Variants in DIO2 observed in about 807,000 individuals in gnomAD.
DIO2 encodes the protein iodothyronine deiodinase 2, also known as type II iodothyronine deiodinase.
Under a neutral mutation model 21.4 loss-of-function variants are expected in DIO2, and 19 were observed. That is an observed-to-expected ratio of 0.89 (90% CI 0.62 to 1.30). The LOEUF (loss-of-function observed/expected upper bound fraction) is 1.30. Ranked by LOEUF, DIO2 falls within the 50% of genes most tolerant of loss-of-function variation. The pLI, the probability that DIO2 is intolerant of heterozygous loss-of-function variation, is 0.00. For missense variants in DIO2, 302 were observed against 338.1 expected, an observed-to-expected ratio of 0.89 and a Z score of 0.84; for synonymous variants, 122 against 132.9, an observed-to-expected ratio of 0.92 and a Z score of 0.57.
At chr14:80,226,713 A>C (rs1888583003) in intron 2 of DIO2, among the ~76,000 whole-genome samples, 1 of 152,188 alleles carries the variant, frequency 6.6e-6, no homozygotes. Context: ...CCCTGCCACC[A>C]TGGCCACTTT....
intron 2 of DIO2, among the ~76,000 whole-genome samples, chr14:80,223,008 C>T (rs1050950887): frequency 6.6e-6 from 1 of 151,922 alleles, no homozygotes; most frequent in African/African-American, 2.4e-5. Flanking sequence ...ATTACTGAAG[C>T]ATACCACCAT....
chr14:80,211,127 C>T, intron 1 of DIO2, 124 bp downstream of exon 1: 1 of 904,830 alleles, frequency 1.1e-6, no homozygotes, highest in Non-Finnish European at 1.6e-6. Context: ...TAGAGGCTCA[C>T]TTGGCAACCC....
At chr14:80,228,259 G>A (rs1457206367) in intron 2 of DIO2, among the ~76,000 whole-genome samples, 2 of 152,214 alleles carry the variant, frequency 1.3e-5, no homozygotes, top group African/African-American at 4.8e-5. Flanking sequence ...AAAGCAAATT[G>A]CTTCTGGTGA....
chr14:80,200,804 G>A lies in DIO2; in HGVS notation c.*1885C>T, dbSNP rs1887683913. Reference sequence around the variant, plus strand: ...TACACAATATACCAGCTGGTGACACGACTGATATGTTGCTCCCATTTAAAA... The same window carrying A: ...TACACAATATACCAGCTGGTGACACAACTGATATGTTGCTCCCATTTAAAA... On this transcript the variant is annotated 3_prime_UTR_variant, in exon 2 of 2. Coordinates refer to ENST00000438257, the MANE Select transcript of DIO2 (RefSeq NM_013989.5). 6.6e-6 allele frequency: 1 copy of A among 152,148 alleles called. No homozygotes were observed. Among genetic ancestry groups the A allele is most frequent in the Non-Finnish European group, 1.5e-5 (1 of 68,012 alleles). 9.4% of individuals were successfully genotyped at this position (152,148 alleles called of 1,614,324 possible).
chr14:80,213,948 C>T (rs1594879362), upstream of DIO2, among the ~76,000 whole-genome samples: 1 of 152,188 alleles, frequency 6.6e-6, no homozygotes, highest in East Asian at 1.9e-4. Context: ...AGAAAAATTA[C>T]ACCTTCCCTA....
chr14:80,228,665 A>G (rs1485655069), intron 2 of DIO2, among the ~76,000 whole-genome samples: 1 of 152,204 alleles, frequency 6.6e-6, no homozygotes, highest in Non-Finnish European at 1.5e-5. Flanking sequence ...CAGGGAGCCA[A>G]TGTGGGGGTT....
rs1267740455 is a variant in DIO2, at chr14:80,202,293, G to A, written c.*396C>T. On this transcript the variant is annotated 3_prime_UTR_variant, in exon 2 of 2. Coordinates refer to ENST00000438257, the MANE Select transcript of DIO2 (RefSeq NM_013989.5). ...TCCATCCATGCCAAATAGAGCCAAG[G>A]CAATACCCTTTATCTTAACGTAGAC... 2 of 523,482 alleles carry A rather than the reference G, an allele frequency of 3.8e-6. No homozygotes were observed. The highest frequency in any genetic ancestry group is 1.1e-4 in the East Asian group (2 of 18,508). 32.4% of individuals were successfully genotyped at this position (523,482 alleles called of 1,614,324 possible). A position where few individuals can be genotyped will look rare whatever the true frequency, so the allele number is the denominator to read the frequency against.
upstream of DIO2, chr14:80,211,544 GGTGATAAA>G: frequency 4.8e-6 from 2 of 418,328 alleles, no homozygotes; most frequent in Non-Finnish European, 7.7e-6. Context: ...AAAGGGGGGT[GGTGATAAA>G]GGGGGTGGGG....
At position 80,202,933 on chromosome 14, in the gene DIO2, G is replaced by A. The variant is rs548697490; in HGVS notation, c.578C>T (p.Ala193Val). ...ACGCTCCAGAAGCTGCTGGGCTGCT[G>A]CACATCGATCTTCCTGGTTCTGGTG... The part of the protein sequence containing the change: ...KKHQNQEDRC[A>V]AAQQLLERFS... Residue 193 changes from alanine (A) to valine (V), a missense_variant, in exon 2 of 2, where the codon GCA becomes GTA. Transcript: ENST00000438257. The A allele has an allele frequency of 6.2e-7, 1 of 1,613,988 alleles. No homozygotes were observed. The highest frequency in any genetic ancestry group is 1.3e-5 in the African/African-American group (1 of 75,030).
intron 2 of DIO2, among the ~76,000 whole-genome samples, chr14:80,220,238 A>G (rs1888440109): frequency 6.6e-6 from 1 of 152,034 alleles, no homozygotes; most frequent in Admixed American, 6.6e-5. Context: ...CCATGCAATC[A>G]TTGTTTTTGA....
At chr14:80,229,334 G>A (rs1191850006) in intron 2 of DIO2, among the ~76,000 whole-genome samples, 2 of 152,100 alleles carry the variant, frequency 1.3e-5, no homozygotes, top group African/African-American at 4.8e-5. Context: ...GCCTTTGATG[G>A]TTGAGTGCTG....
At chr14:80,221,680 T>G (rs1888468729) in intron 2 of DIO2, among the ~76,000 whole-genome samples, 1 of 152,124 alleles carries the variant, frequency 6.6e-6, no homozygotes, top group African/African-American at 2.4e-5. Context: ...TAAGAATTCA[T>G]GGAAGTAATC....
chr14:80,206,084 T>C, intron 1 of DIO2: 1 of 627,014 alleles, frequency 1.6e-6, no homozygotes, highest in Non-Finnish European at 2.7e-6. Flanking sequence ...CCTATTATTT[T>C]TATTTTGTTG....
At chr14:80,216,029 A>G (rs1888344434), upstream of DIO2, 1 of 152,324 alleles carries the variant, frequency 6.6e-6, no homozygotes, top group Admixed American at 6.5e-5. Context: ...AGGTATGAGC[A>G]TTCTCTCCCA....
At chr14:80,205,125 A>C (rs1887896943) in intron 1 of DIO2, among the ~76,000 whole-genome samples, 2 of 152,202 alleles carry the variant, frequency 1.3e-5, no homozygotes, top group African/African-American at 4.8e-5. Context: ...TTAAGGCATG[A>C]AAATATACAT....
chr14:80,206,279 T>C (rs771606004), intron 1 of DIO2: 1 of 1,583,584 alleles, frequency 6.3e-7, no homozygotes, highest in Non-Finnish European at 8.6e-7. Context: ...TTTTATAAGC[T>C]TCATATACTA....
intron 2 of DIO2, among the ~76,000 whole-genome samples, chr14:80,227,487 C>T (rs995760519): frequency 2.6e-5 from 4 of 152,182 alleles, no homozygotes; most frequent in African/African-American, 9.7e-5. Context: ...GACTTGATGA[C>T]CCATAGTCAA....
At position 80,202,992 on chromosome 14, in the gene DIO2, C is replaced by T; in HGVS notation, c.519G>A (p.Pro173=). Residue 173 remains proline (P), a synonymous_variant, in exon 2 of 2, where the codon CCG becomes CCA. Coordinates refer to ENST00000438257, the MANE Select transcript of DIO2 (RefSeq NM_013989.5). ...EAHPSDGWAI[P]GDSSLSFEVK... Reference sequence around the variant, plus strand: ...CCTCAAAAGACAAAGAGGAGTCCCCCGGTATCGCCCAGCCATCTGATGGAT... The same window carrying T: ...CCTCAAAAGACAAAGAGGAGTCCCCTGGTATCGCCCAGCCATCTGATGGAT... 1 of 1,613,928 alleles carries T rather than the reference C, an allele frequency of 6.2e-7. No individual in the cohort carries two copies. The highest frequency in any genetic ancestry group is 8.5e-7 in the Non-Finnish European group (1 of 1,179,874).
chr14:80,213,537 A>C (rs536105631), upstream of DIO2, among the ~76,000 whole-genome samples: 3 of 152,210 alleles, frequency 2.0e-5, no homozygotes, highest in South Asian at 4.1e-4. Flanking sequence ...CCTTTAAAAA[A>C]ACAATAATCA....
Sources: gnomAD v4.1 joint callset for allele counts (sites outside exome capture counted in the v4.1 genomes callset) on GRCh38, gnomAD v4.1.1 for gene constraint, MANE v1.5 for transcripts, NCBI Gene and HGNC (gene_info 2026-07-23, HGNC 2026-07-21) for gene names.